GLRA3: variants seen among roughly 807,000 people sequenced by gnomAD.
GLRA3 encodes glycine receptor alpha 3.
Under a neutral mutation model 60.4 loss-of-function variants are expected in GLRA3, and 44 were observed. The ratio of observed to expected loss-of-function variants is 0.73; its 90% CI spans 0.57 to 0.94. The LOEUF (loss-of-function observed/expected upper bound fraction) is 0.94. GLRA3 is among the 40% of genes least tolerant of loss of function. The pLI is 0.00. For missense variants in GLRA3, 508 were observed against 564.6 expected, an observed-to-expected ratio of 0.90 and a Z score of 1.02; for synonymous variants, 223 against 192.9, an observed-to-expected ratio of 1.16 and a Z score of -1.29.
rs1157636004 is a variant in GLRA3, at chr4:174,641,973, AT to A, written c.*1812del. On this transcript the variant is annotated 3_prime_UTR_variant, in exon 10 of 10. Transcript: ENST00000274093. ...AAATACACACCAAATGAAGAAGCAT[AT>A]GTTTAATTTTCAGGTGCACAGTCCT... The A allele has an allele frequency of 6.2e-6, 1 of 161,114 alleles. No homozygotes were observed. The highest frequency in any genetic ancestry group is 1.3e-5 in the Non-Finnish European group (1 of 76,352). 10.0% of individuals were successfully genotyped at this position (161,114 alleles called of 1,614,324 possible).
chr4:174,785,901 C>A (rs557012953), intron 2 of GLRA3, among the ~76,000 whole-genome samples: 1 of 151,308 alleles, frequency 6.6e-6, no homozygotes, highest in Admixed American at 6.6e-5. Context: ...TCCCAAGAAG[C>A]CAGGACTAAA....
intron 3 of GLRA3, among the ~76,000 whole-genome samples, chr4:174,757,978 G>A (rs527989353): frequency 2.7e-5 from 4 of 150,316 alleles, no homozygotes; most frequent in Admixed American, 1.3e-4. Context: ...ATAAGTTCCC[G>A]CAAGAACTGC....
At chr4:174,806,456 C>T (rs1740056509) in intron 1 of GLRA3, among the ~76,000 whole-genome samples, 2 of 151,946 alleles carry the variant, frequency 1.3e-5, no homozygotes, top group Admixed American at 1.3e-4. Context: ...AAAAGTTAGC[C>T]CTCTGTATCT....
At chr4:174,789,006 C>T in intron 1 of GLRA3, 63 bp from the exon 2 acceptor site, 1 of 1,072,328 alleles carries the variant, frequency 9.3e-7, no homozygotes, top group Non-Finnish European at 1.3e-6. Context: ...TTGTTACCTA[C>T]AAATATAAAA....
chr4:174,693,652 T>C (rs1264861067), intron 5 of GLRA3, among the ~76,000 whole-genome samples: 2 of 152,202 alleles, frequency 1.3e-5, no homozygotes, highest in Non-Finnish European at 2.9e-5. Flanking sequence ...TGGTTCCATA[T>C]GAATTTTAAA....
At chr4:174,664,817 C>T (rs1381646445) in intron 7 of GLRA3, among the ~76,000 whole-genome samples, 1 of 152,166 alleles carries the variant, frequency 6.6e-6, no homozygotes. Flanking sequence ...ATTAACCCTT[C>T]ACATAAAGAC....
intron 4 of GLRA3, among the ~76,000 whole-genome samples, chr4:174,716,461 G>A (rs1344015547): frequency 1.3e-5 from 2 of 152,062 alleles, no homozygotes; most frequent in African/African-American, 4.8e-5. Context: ...TCTCTTCAGG[G>A]TAGTTTTTCT....
At chr4:174,713,956 C>T (rs1406574930) in intron 5 of GLRA3, among the ~76,000 whole-genome samples, 1 of 152,158 alleles carries the variant, frequency 6.6e-6, no homozygotes, top group Non-Finnish European at 1.5e-5. Context: ...CCCCTGTTCC[C>T]TTTCTTCATC....
chr4:174,647,191 G>A (rs1732854874), intron 9 of GLRA3, among the ~76,000 whole-genome samples: 1 of 152,136 alleles, frequency 6.6e-6, no homozygotes, highest in Non-Finnish European at 1.5e-5. Context: ...TGGATTGCTT[G>A]AGCGCAGGAG....
chr4:174,800,494 A>G (rs974441026), intron 1 of GLRA3, among the ~76,000 whole-genome samples: 2 of 152,022 alleles, frequency 1.3e-5, no homozygotes, highest in African/African-American at 4.8e-5. Flanking sequence ...CCTTTCAGTC[A>G]CACTGCATCT....
intron 5 of GLRA3, among the ~76,000 whole-genome samples, chr4:174,700,280 G>A (rs1164844352): frequency 6.6e-6 from 1 of 151,976 alleles, no homozygotes; most frequent in Non-Finnish European, 1.5e-5. Flanking sequence ...AAGATTTGTG[G>A]CAACCCTATA....
intron 1 of GLRA3, among the ~76,000 whole-genome samples, chr4:174,794,456 A>G (rs1362236013): frequency 6.6e-6 from 1 of 152,044 alleles, no homozygotes; most frequent in Non-Finnish European, 1.5e-5. Context: ...AACAATCAAA[A>G]TACAACACAA....
chr4:174,728,718 G>GA lies in GLRA3; in HGVS notation c.268-21dup. 7.4e-7 allele frequency: 1 copy of GA among 1,354,790 alleles called. No individual in the cohort carries two copies. The highest frequency in any genetic ancestry group is 1.0e-6 in the Non-Finnish European group (1 of 1,000,674). 83.9% of individuals were successfully genotyped at this position (1,354,790 alleles called of 1,614,324 possible). The stretch of plus-strand genomic sequence containing the variant: ...GTAATCCTATGATAAAATAATGAAA[G>GA]AAAGAAAAAAAAAAACCCTGCTTTA... On this transcript the variant is annotated intron_variant, in intron 3 of 9. Transcript: ENST00000274093.
At chr4:174,713,686 A>T (rs191621432) in intron 5 of GLRA3, 4 of 152,228 alleles carry the variant, frequency 2.6e-5, no homozygotes, top group Non-Finnish European at 4.4e-5. Flanking sequence ...TTAATTTGCC[A>T]TCTTTGCCTT....
chr4:174,708,674 A>G (rs1368647937), intron 5 of GLRA3, among the ~76,000 whole-genome samples: 1 of 147,512 alleles, frequency 6.8e-6, no homozygotes, highest in East Asian at 2.0e-4. Context: ...CTCTTTAGAT[A>G]TGAACTACAG....
intron 3 of GLRA3, among the ~76,000 whole-genome samples, chr4:174,731,612 A>T (rs1179444304): frequency 1.3e-5 from 2 of 152,224 alleles, no homozygotes; most frequent in African/African-American, 4.8e-5. Context: ...CAAATTATTT[A>T]AAAAGCACAA....
chr4:174,751,966 G>A (rs962957117), intron 3 of GLRA3, among the ~76,000 whole-genome samples: 3 of 151,944 alleles, frequency 2.0e-5, no homozygotes, highest in African/African-American at 7.2e-5. Flanking sequence ...AAAAAGTGTT[G>A]AGAAACACTG....
intron 5 of GLRA3, among the ~76,000 whole-genome samples, chr4:174,708,000 G>A (rs1178991234): frequency 2.6e-5 from 4 of 152,144 alleles, no homozygotes; most frequent in Admixed American, 1.3e-4. Flanking sequence ...TATTTTATAA[G>A]TAGCGAGTTC....
chr4:174,735,117 T>C (rs574885958), intron 3 of GLRA3, among the ~76,000 whole-genome samples: 43 of 152,294 alleles, frequency 2.8e-4, no homozygotes, highest in African/African-American at 1.0e-3. Context: ...GCTCACTTAA[T>C]ATTTCTATTC....
Sources: gnomAD v4.1 joint callset for allele counts (sites outside exome capture counted in the v4.1 genomes callset) on GRCh38, gnomAD v4.1.1 for gene constraint, MANE v1.5 for transcripts, NCBI Gene and HGNC (gene_info 2026-07-23, HGNC 2026-07-21) for gene names.